MAP3K15: variants seen among roughly 807,000 people sequenced by gnomAD.
MAP3K15 encodes mitogen-activated protein kinase kinase kinase 15.
Under a neutral mutation model 99.5 loss-of-function variants are expected in MAP3K15, and 124 were observed. The observed-to-expected ratio is 1.25, with a 90% CI of 1.08 to 1.45. The LOEUF is 1.45. Ranked by LOEUF, MAP3K15 falls within the 40% of genes most tolerant of loss-of-function variation. The pLI is 0.00. For synonymous variants in MAP3K15, 494 were observed against 439.6 expected, an observed-to-expected ratio of 1.12 and a Z score of -1.55; for missense variants, 1,242 against 1,079.7, an observed-to-expected ratio of 1.15 and a Z score of -2.11.
At chrX:19,443,995 C>T (rs28552893) in intron 6 of MAP3K15, among the ~76,000 whole-genome samples, 5,575 of 111,133 alleles carry the variant, frequency 0.05, 363 homozygotes, top group African/African-American at 0.17. Flanking sequence ...GCCATCCTCA[C>T]ACCCCCAGCT....
intron 1 of MAP3K15, among the ~76,000 whole-genome samples, chrX:19,489,694 G>C (rs915226626): frequency 2.7e-5 from 3 of 110,916 alleles, no homozygotes; most frequent in Non-Finnish European, 5.7e-5. Context: ...CAGACAATGA[G>C]TCTGCCGCCA....
intron 19 of MAP3K15, 144 bp downstream of exon 19, chrX:19,379,976 G>A (rs367611025): frequency 1.8e-5 from 11 of 613,465 alleles, no homozygotes; most frequent in African/African-American, 1.6e-4. Flanking sequence ...GATGCACCTC[G>A]CATTCTGGTT....
chrX:19,364,874 CAA>C (rs747440749), intron 25 of MAP3K15, among the ~76,000 whole-genome samples: 1,264 of 77,253 alleles, frequency 0.016, 14 homozygotes, highest in Non-Finnish European at 0.023. Flanking sequence ...GCCTGGGCAA[CAA>C]GAGCGAAACT....
At chrX:19,503,238 T>C (rs952839386) in intron 1 of MAP3K15, among the ~76,000 whole-genome samples, 1 of 111,844 alleles carries the variant, frequency 8.9e-6, no homozygotes, top group African/African-American at 3.2e-5. Flanking sequence ...CTATCGCTCC[T>C]ATGCTCTGCT....
chrX:19,369,005 G>A (rs1366785135), intron 25 of MAP3K15, 49 bp downstream of exon 25: 1 of 1,115,284 alleles, frequency 9.0e-7, no homozygotes, highest in Admixed American at 3.0e-5. Context: ...GGTGGCTCAG[G>A]CCACTGTCCC....
intron 6 of MAP3K15, among the ~76,000 whole-genome samples, chrX:19,450,157 G>T (rs2064027194): frequency 9.1e-6 from 1 of 109,688 alleles, no homozygotes; most frequent in Non-Finnish European, 1.9e-5. Context: ...TCTGTCTTCA[G>T]AACCCATTGG....
At chrX:19,477,083 G>A (rs2064247963) in intron 3 of MAP3K15, among the ~76,000 whole-genome samples, 1 of 111,890 alleles carries the variant, frequency 8.9e-6, no homozygotes, top group Non-Finnish European at 1.9e-5. Flanking sequence ...TGAGTGAATG[G>A]CAAATTCTAT....
In MAP3K15 at chrX:19,460,115, T is replaced by G. The variant is rs1373927866; in HGVS notation, c.758A>C (p.Lys253Thr). Residue 253 changes from lysine (K) to threonine (T), a missense_variant, in exon 5 of 29, where the codon AAA becomes ACA. Coordinates refer to ENST00000338883, the MANE Select transcript of MAP3K15 (RefSeq NM_001001671.4). ...YKETLLNDIR[K>T]AREKYQGEEL... ...CTCACCTTGGTATTTCTCTCTGGCT[T>G]TCCGGATGTCATTTAACAAGGTTTC... 8.4e-7 allele frequency: 1 copy of G among 1,191,758 alleles called. No individual in the cohort carries two copies. Among genetic ancestry groups the G allele is most frequent in the African/African-American group, 1.8e-5 (1 of 56,707 alleles).
chrX:19,415,694 G>A lies in MAP3K15; in HGVS notation c.1440-437C>T, dbSNP rs955240447. The stretch of plus-strand genomic sequence containing the variant: ...GTGCGACAATTTGAAAAACTTTGCA[G>A]ATAAACTGTGAAGCCTAGAAATATA... On this transcript the variant is annotated intron_variant, in intron 9 of 28. Coordinates refer to ENST00000338883, the MANE Select transcript of MAP3K15 (RefSeq NM_001001671.4). Among the ~76,000 whole-genome samples the A allele has an allele frequency of 2.7e-5, 3 of 109,657 alleles. No individual in the cohort carries two copies. In the East Asian group the frequency reaches 8.5e-4, roughly 31 times the overall value.
At chrX:19,435,877 G>C (rs931395701) in intron 6 of MAP3K15, among the ~76,000 whole-genome samples, 1 of 112,458 alleles carries the variant, frequency 8.9e-6, no homozygotes, top group Non-Finnish European at 1.9e-5. Context: ...TGGGAGGCTG[G>C]GCGTGGTGGC....
At chrX:19,457,674 G>T (rs1414048762) in intron 5 of MAP3K15, among the ~76,000 whole-genome samples, 2 of 112,103 alleles carry the variant, frequency 1.8e-5, no homozygotes, top group Non-Finnish European at 3.8e-5. Flanking sequence ...AAGTGAGCTG[G>T]ACAAATACAC....
In MAP3K15 at chrX:19,362,733, C is replaced by G; in HGVS notation, c.3679+5G>C. 9.5e-7 allele frequency: 1 copy of G among 1,051,718 alleles called. No homozygotes were observed. The highest frequency in any genetic ancestry group is 1.3e-6 in the Non-Finnish European group (1 of 758,127). 86.7% of individuals were successfully genotyped at this position (1,051,718 alleles called of 1,213,427 possible). A position where few individuals can be genotyped will look rare whatever the true frequency, so the allele number is the denominator to read the frequency against. ...TAAAGTCTGTCTCATTGGAAAATGACTTACAATTCGATTTTAATTTTAACT... is the reference window on the plus strand; with the variant it reads ...TAAAGTCTGTCTCATTGGAAAATGAGTTACAATTCGATTTTAATTTTAACT... On this transcript the variant is annotated splice_donor_5th_base_variant and intron_variant, in intron 26 of 28. Coordinates refer to ENST00000338883, the MANE Select transcript of MAP3K15 (RefSeq NM_001001671.4).
chrX:19,377,667 G>A (rs769351816), intron 19 of MAP3K15, among the ~76,000 whole-genome samples: 9 of 112,334 alleles, frequency 8.0e-5, no homozygotes, highest in Middle Eastern at 4.7e-3. Flanking sequence ...CTGGTTTCCC[G>A]GAAGTCAGCA....
chrX:19,392,237 G>T, intron 17 of MAP3K15, 106 bp downstream of exon 17: 1 of 1,053,609 alleles, frequency 9.5e-7, no homozygotes, highest in Non-Finnish European at 1.3e-6. Context: ...GGACGGTTGT[G>T]CTAAATCATA....
chrX:19,479,453 C>T (rs1038532074), intron 3 of MAP3K15, among the ~76,000 whole-genome samples: 6 of 111,414 alleles, frequency 5.4e-5, no homozygotes, highest in African/African-American at 1.6e-4. Context: ...TGGCCAGTCC[C>T]GCTTCATTTA....
At chrX:19,492,786 G>A (rs946241165) in intron 1 of MAP3K15, among the ~76,000 whole-genome samples, 1 of 110,679 alleles carries the variant, frequency 9.0e-6, no homozygotes, top group Non-Finnish European at 1.9e-5. Flanking sequence ...ACCCAACGTG[G>A]TGAAATCCCG....
At chrX:19,479,047 A>G (rs1052425751) in intron 3 of MAP3K15, among the ~76,000 whole-genome samples, 3 of 111,475 alleles carry the variant, frequency 2.7e-5, no homozygotes, top group Non-Finnish European at 5.6e-5. Flanking sequence ...CAGTACCTCT[A>G]AGCCTTGGAA....
intron 4 of MAP3K15, 86 bp downstream of exon 4, chrX:19,464,127 T>C: frequency 1.2e-6 from 1 of 827,987 alleles, no homozygotes; most frequent in East Asian, 3.2e-5. Context: ...AGCAACTCTG[T>C]TCATTTGAAG....
chrX:19,421,386 C>T (rs879063777), intron 9 of MAP3K15, among the ~76,000 whole-genome samples: 2 of 110,855 alleles, frequency 1.8e-5, no homozygotes, highest in African/African-American at 6.6e-5. Flanking sequence ...ACACCACTAA[C>T]AGACAAACAG....
Sources: gnomAD v4.1 joint callset for allele counts (sites outside exome capture counted in the v4.1 genomes callset) on GRCh38, gnomAD v4.1.1 for gene constraint, MANE v1.5 for transcripts, NCBI Gene and HGNC (gene_info 2026-07-23, HGNC 2026-07-21) for gene names.